The following RFX3 variants were observed in gnomAD, a reference collection of about 807,000 sequenced individuals.
RFX3 encodes the protein transcription factor RFX3.
A neutral mutation model predicts 98.6 loss-of-function variants in RFX3; 14 were observed. The observed-to-expected ratio is 0.14, with a 90% CI of 0.09 to 0.22. The LOEUF is 0.22. Ranked by LOEUF, RFX3 falls within the 10% of genes least tolerant of loss-of-function variation. RFX3 has a pLI of 1.00. For synonymous variants in RFX3, 383 were observed against 328.4 expected, an observed-to-expected ratio of 1.17 and a Z score of -1.80; for missense variants, 639 against 926.9, an observed-to-expected ratio of 0.69 and a Z score of 4.03.
intron 1 of RFX3, among the ~76,000 whole-genome samples, chr9:3,456,503 T>G (rs1369580476): frequency 2.0e-5 from 3 of 152,202 alleles, no homozygotes; most frequent in Admixed American, 2.0e-4. Flanking sequence ...GTGATGTGCC[T>G]GTTTAATTCA....
chr9:3,471,965 G>C (rs1317709709), intron 1 of RFX3, among the ~76,000 whole-genome samples: 2 of 152,204 alleles, frequency 1.3e-5, no homozygotes, highest in Non-Finnish European at 2.9e-5. Flanking sequence ...TTCTACTCGT[G>C]GCTGACTTAT....
intron 15 of RFX3, among the ~76,000 whole-genome samples, chr9:3,234,557 C>T (rs574954176): frequency 6.6e-6 from 1 of 152,228 alleles, no homozygotes; most frequent in Non-Finnish European, 1.5e-5. Flanking sequence ...AGGAGAATCA[C>T]CGTCCAAGGT....
chr9:3,332,949 T>C (rs1180213640), intron 3 of RFX3, among the ~76,000 whole-genome samples: 3 of 152,200 alleles, frequency 2.0e-5, no homozygotes, highest in Non-Finnish European at 4.4e-5. Context: ...TTGCCCTCTA[T>C]GGCCACTCCT....
chr9:3,506,219 A>T (rs553160603), intron 1 of RFX3, among the ~76,000 whole-genome samples: 5,005 of 144,950 alleles, frequency 0.035, 119 homozygotes, highest in African/African-American at 0.061. Flanking sequence ...TTTTTTTTTT[A>T]AAAAAAAAGG....
At chr9:3,485,223 C>T (rs1185421831) in intron 1 of RFX3, among the ~76,000 whole-genome samples, 1 of 152,146 alleles carries the variant, frequency 6.6e-6, no homozygotes, top group Non-Finnish European at 1.5e-5. Flanking sequence ...TATACCACCT[C>T]CCTGTTCTAT....
intron 1 of RFX3, among the ~76,000 whole-genome samples, chr9:3,512,359 C>A (rs182533162): frequency 2.0e-5 from 3 of 151,950 alleles, no homozygotes; most frequent in Admixed American, 6.6e-5. Context: ...TATTATACTA[C>A]TCCAGTGTAA....
chr9:3,426,069 C>A (rs34770513), intron 1 of RFX3, among the ~76,000 whole-genome samples: 11,787 of 152,088 alleles, frequency 0.078, 486 homozygotes, highest in East Asian at 0.11. Flanking sequence ...ATATACTATA[C>A]GATTGGATTT....
intron 4 of RFX3, among the ~76,000 whole-genome samples, chr9:3,306,470 A>T (rs1193777548): frequency 6.6e-6 from 1 of 151,910 alleles, no homozygotes; most frequent in Non-Finnish European, 1.5e-5. Context: ...TAAATAATTG[A>T]ATATTACTGG....
chr9:3,423,502 T>C (rs938061166), intron 1 of RFX3, among the ~76,000 whole-genome samples: 5 of 152,000 alleles, frequency 3.3e-5, no homozygotes, highest in Non-Finnish European at 7.4e-5. Flanking sequence ...AGTCTCAACA[T>C]TGGGCTGAGC....
At chr9:3,436,978 A>C (rs1188352083) in intron 1 of RFX3, among the ~76,000 whole-genome samples, 2 of 152,020 alleles carry the variant, frequency 1.3e-5, no homozygotes, top group African/African-American at 2.4e-5. Context: ...TGAGTAATCC[A>C]CGTTTTTGTT....
intron 3 of RFX3, among the ~76,000 whole-genome samples, chr9:3,331,843 T>C (rs2130905072): frequency 6.6e-6 from 1 of 152,312 alleles, no homozygotes; most frequent in African/African-American, 2.4e-5. Context: ...CTGCCCTCTT[T>C]ACTTCCTAGT....
chr9:3,457,813 C>A (rs1018808402), intron 1 of RFX3, among the ~76,000 whole-genome samples: 2 of 151,914 alleles, frequency 1.3e-5, no homozygotes, highest in Non-Finnish European at 2.9e-5. Flanking sequence ...ATGCAATTCA[C>A]CAAACTAGAG....
rs117902577 is a variant in RFX3 at position 3,442,748 on chromosome 9, T to C, written c.-8-47152A>G. On this transcript the variant is annotated intron_variant, in intron 1 of 16. Coordinates refer to ENST00000617270, the MANE Select transcript of RFX3 (RefSeq NM_001282116.2). ...TTATTCCAAAGTAAAAAGTTTATTA[T>C]AAAAATGGATTATAGACCTAAGTGT... Among the ~76,000 whole-genome samples the C allele has an allele frequency of 8.1e-3, 1,233 of 152,324 alleles. 2 individuals are homozygous for C. Among genetic ancestry groups the C allele is most frequent in the Admixed American group, 0.013 (205 of 15,300 alleles).
intron 6 of RFX3, among the ~76,000 whole-genome samples, chr9:3,289,726 C>T (rs1586897701): frequency 6.6e-6 from 1 of 152,102 alleles, no homozygotes; most frequent in South Asian, 2.1e-4. Flanking sequence ...GGGAGAGAAG[C>T]ATATCCATGG....
At chr9:3,249,317 A>G (rs1821084381) in intron 14 of RFX3, among the ~76,000 whole-genome samples, 1 of 152,146 alleles carries the variant, frequency 6.6e-6, no homozygotes, top group African/African-American at 2.4e-5. Flanking sequence ...ACAGATCATC[A>G]TTGTCCATCT....
chr9:3,367,306 G>C (rs538005221), intron 2 of RFX3, among the ~76,000 whole-genome samples: 2 of 152,236 alleles, frequency 1.3e-5, no homozygotes, highest in African/African-American at 4.8e-5. Flanking sequence ...CTCTAGGAGT[G>C]GGGAACAGAT....
At chr9:3,313,078 C>T (rs1160969936) in intron 4 of RFX3, among the ~76,000 whole-genome samples, 1 of 152,176 alleles carries the variant, frequency 6.6e-6, no homozygotes, top group African/African-American at 2.4e-5. Context: ...CAAGTGGGTC[C>T]CTGACCACCA....
intron 1 of RFX3, among the ~76,000 whole-genome samples, chr9:3,519,812 G>C (rs1026482908): frequency 2.0e-5 from 3 of 151,632 alleles, no homozygotes; most frequent in South Asian, 4.1e-4. Flanking sequence ...TTTTCACTAA[G>C]AACACTCTGC....
chr9:3,319,154 C>T (rs909954392), intron 4 of RFX3, among the ~76,000 whole-genome samples: 1 of 152,152 alleles, frequency 6.6e-6, no homozygotes, highest in African/African-American at 2.4e-5. Flanking sequence ...AGTTAGTCTC[C>T]GTAATCACTA....
Sources: gnomAD v4.1 joint callset for allele counts (sites outside exome capture counted in the v4.1 genomes callset) on GRCh38, gnomAD v4.1.1 for gene constraint, MANE v1.5 for transcripts, NCBI Gene and HGNC (gene_info 2026-07-23, HGNC 2026-07-21) for gene names.